The following IL27RA variants were observed in gnomAD, a reference collection of about 807,000 sequenced individuals.
The protein encoded by IL27RA is interleukin 27 receptor subunit alpha, also known as interleukin-27 receptor subunit alpha.
In IL27RA, 61 loss-of-function variants were observed where a neutral mutation model predicts 80.8. That is an observed-to-expected ratio of 0.76 (90% CI 0.61 to 0.93). The LOEUF is 0.93. Ranked by LOEUF, IL27RA falls within the 40% of genes least tolerant of loss-of-function variation. IL27RA has a pLI of 0.00. For missense variants in IL27RA, 735 were observed against 808.1 expected (o/e 0.91, Z 1.10); for synonymous variants, 316 against 332.5 (o/e 0.95, Z 0.54).
chr19:14,050,859 C>G lies in IL27RA; in HGVS notation c.1504C>G (p.Pro502Ala). 1 of 1,611,554 alleles carries G rather than the reference C, an allele frequency of 6.2e-7. No individual in the cohort carries two copies. The highest frequency in any genetic ancestry group is 1.1e-5 in the South Asian group (1 of 90,908). ...CATCGCTGGACAGGGCCCTCCTGGT[C>G]CCATCCTCCGGCTTCATCTACCAGG... ...STIAGQGPPG[P>A]ILRLHLPDNT... Residue 502 changes from proline (P) to alanine (A), a missense_variant, in exon 11 of 14, where the codon CCC becomes GCC. Coordinates refer to ENST00000263379, the MANE Select transcript of IL27RA (RefSeq NM_004843.4).
chr19:14,042,737 C>T lies in IL27RA; in HGVS notation c.716C>T (p.Ser239Leu), dbSNP rs1348754243. The change falls in exon 6 of 14, where the codon TCA becomes TTA. Residue 239 changes from serine to leucine, a missense_variant. Coordinates refer to ENST00000263379, the MANE Select transcript of IL27RA (RefSeq NM_004843.4). ...CCAGCTCCAAAAGATGTGTGGGTATCAGGGAACCTCTGTGGGACGCCTGGA... is the reference window on the plus strand; with the variant it reads ...CCAGCTCCAAAAGATGTGTGGGTATTAGGGAACCTCTGTGGGACGCCTGGA... ...PPSAPKDVWV[S>L]GNLCGTPGGE... 2 of 1,614,038 alleles carry T rather than the reference C, an allele frequency of 1.2e-6. No homozygotes were observed. Among genetic ancestry groups the T allele is most frequent in the Non-Finnish European group, 1.7e-6 (2 of 1,180,036 alleles).
rs138447582 is a variant in IL27RA at position 14,042,537 on chromosome 19, C to T, written c.619C>T (p.Arg207Cys). 1.5e-5 allele frequency: 24 copies of T among 1,614,044 alleles called. No individual in the cohort carries two copies. The highest frequency in any genetic ancestry group is 4.0e-5 in the African/African-American group (3 of 74,912). Residue 207 changes from arginine to cysteine, a missense_variant, in exon 5 of 14, where the codon CGC (arginine) becomes TGC (cysteine). Coordinates refer to ENST00000263379, the MANE Select transcript of IL27RA (RefSeq NM_004843.4). ...AGCCACTGGCTACAAAGTGTATGGC[C>T]GCTGCCGGATGGAGAAAGAAGAGGA... Reference protein sequence around the residue: ...ELATGYKVYGRCRMEKEEDLW... With the variant: ...ELATGYKVYGCCRMEKEEDLW...
At chr19:14,045,038 T>C (rs1253496726) in intron 6 of IL27RA, among the ~76,000 whole-genome samples, 1 of 149,160 alleles carries the variant, frequency 6.7e-6, no homozygotes, top group Non-Finnish European at 1.5e-5. Flanking sequence ...GGCAGGAGAA[T>C]CTCCTGAACC....
In IL27RA at chr19:14,031,902, G is replaced by A. The variant is rs1432010226; in HGVS notation, c.30G>A (p.Trp10Ter). MRGGRGAPF[W>*]LWPLPKLALL... ...GGGGAGGCAGGGGCGCCCCTTTCTG[G>A]CTGTGGCCGCTGCCCAAGCTGGCGC... Residue 10 changes from tryptophan (W) to a stop codon, truncating the protein, a stop_gained, in exon 1 of 14, where the codon TGG (tryptophan) becomes TGA (stop). Coordinates refer to ENST00000263379, the MANE Select transcript of IL27RA (RefSeq NM_004843.4). LOFTEE classifies it high-confidence loss of function. The A allele has an allele frequency of 1.2e-6, 2 of 1,605,046 alleles. No homozygotes were observed. Among genetic ancestry groups the A allele is most frequent in the Non-Finnish European group, 1.7e-6 (2 of 1,176,674 alleles).
At chr19:14,046,028 AAAACAAAC>A (rs149367806) in intron 6 of IL27RA, 118 bp from the exon 7 acceptor site, 34 of 929,162 alleles carry the variant, frequency 3.7e-5, no homozygotes, top group Admixed American at 1.9e-4. Context: ...TCCGTCTCAA[AAAACAAAC>A]AAACAAACAA....
chr19:14,034,272 G>A lies in IL27RA; in HGVS notation c.218+1769G>A, dbSNP rs531879992. Among the ~76,000 whole-genome samples, 14 of 152,240 alleles carry A rather than the reference G, an allele frequency of 9.2e-5. No homozygotes were observed. The South Asian group carries it at 2.5e-3, about 27-fold the overall frequency. ...CCTGGAAACTCATAATTTCAAATTG[G>A]GCTAAGTGAGGGAAGAGGAAAAGAG... On this transcript the variant is annotated intron_variant, in intron 2 of 13. Transcript: ENST00000263379.
At position 14,039,502 on chromosome 19, in the gene IL27RA, T is replaced by C; in HGVS notation, c.219-6T>C. 2.5e-6 allele frequency: 4 copies of C among 1,610,242 alleles called. No individual in the cohort carries two copies. Among genetic ancestry groups the C allele is most frequent in the Non-Finnish European group, 3.4e-6 (4 of 1,177,708 alleles). ...GTGCATCTCATCCCCGCCTCTCTCC[T>C]CACAGCCGTTCCAACAAAACCCAGA... is the stretch of plus-strand genomic sequence containing the variant. On this transcript the variant is annotated splice_polypyrimidine_tract_variant and splice_region_variant and intron_variant, in intron 2 of 13. Coordinates refer to ENST00000263379, the MANE Select transcript of IL27RA (RefSeq NM_004843.4).
In IL27RA at chr19:14,047,798, C is replaced by T. The variant is rs187105228; in HGVS notation, c.1141+1180C>T. Among the ~76,000 whole-genome samples the T allele has an allele frequency of 1.4e-3, 215 of 150,472 alleles. 1 individual carries two copies. Among genetic ancestry groups the T allele is most frequent in the African/African-American group, 4.9e-3 (201 of 40,846 alleles). ...CCTCCCGAGCAACTGGGAGTACAGG[C>T]GCCCGCCACCACGCCCGGCTAATTT... On this transcript the variant is annotated intron_variant, in intron 8 of 13. Transcript: ENST00000263379.
chr19:14,051,688 C>T lies in IL27RA; in HGVS notation c.1610C>T (p.Ala537Val). ...LFLLGCGLSL[A>V]TSGRCYHLRH... The stretch of plus-strand genomic sequence containing the variant: ...CTGTTGGGGTGTGGCCTGAGCCTGG[C>T]CACCTCTGGAAGGTGAGGCTGTCGG... The change falls in exon 12 of 14, where the codon GCC becomes GTC. Residue 537 changes from alanine (A) to valine (V), a missense_variant. Transcript: ENST00000263379. 3 of 1,607,304 alleles carry T rather than the reference C, an allele frequency of 1.9e-6. No individual in the cohort carries two copies. Among genetic ancestry groups the T allele is most frequent in the Middle Eastern group, 1.7e-4 (1 of 6,032 alleles).
At chr19:14,046,359 C>T in intron 7 of IL27RA, 22 bp downstream of exon 7, 1 of 1,613,358 alleles carries the variant, frequency 6.2e-7, no homozygotes, top group Non-Finnish European at 8.5e-7. Context: ...TGACCTTCCT[C>T]AGCTCGGTGC....
At chr19:14,032,325 T>C in intron 1 of IL27RA, 61 bp from the exon 2 acceptor site, 1 of 1,258,074 alleles carries the variant, frequency 7.9e-7, no homozygotes, top group East Asian at 2.3e-5. Flanking sequence ...AGTTCTGGGG[T>C]GTGCAGGCGG....
At chr19:14,042,644 G>C (rs1376104088) in intron 5 of IL27RA, 32 bp downstream of exon 5, 1 of 1,613,750 alleles carries the variant, frequency 6.2e-7, no homozygotes, top group African/African-American at 1.3e-5. Flanking sequence ...CTCAATCCAC[G>C]CCCCTCCCAC....
rs141018916 is a variant in IL27RA at position 14,043,604 on chromosome 19, T to C, written c.768+815T>C. ...CACGCCCGGCTAATTTTTGTATTTT[T>C]AGTAGAGATGGGGGTTTCACCATCT... On this transcript the variant is annotated intron_variant, in intron 6 of 13. Coordinates refer to ENST00000263379, the MANE Select transcript of IL27RA (RefSeq NM_004843.4). 8.3e-3 allele frequency among the ~76,000 whole-genome samples: 1,255 copies of C among 151,400 alleles called. 23 individuals carry two copies. Among genetic ancestry groups the C allele is most frequent in the African/African-American group, 0.029 (1,207 of 41,224 alleles).
intron 8 of IL27RA, 92 bp downstream of exon 8, chr19:14,046,710 G>A (rs116771778): frequency 4.7e-5 from 59 of 1,254,082 alleles, no homozygotes; most frequent in Middle Eastern, 2.8e-4. Flanking sequence ...TTAAAGTAGC[G>A]TGATGGCCGG....
At chr19:14,032,824 AAAG>A (rs1345571687) in intron 2 of IL27RA, among the ~76,000 whole-genome samples, 2 of 114,372 alleles carry the variant, frequency 1.7e-5, no homozygotes, top group African/African-American at 5.6e-5. Flanking sequence ...AAAAAAAAAA[AAAG>A]AAAAGAAAAG....
chr19:14,035,829 A>G lies in IL27RA; in HGVS notation c.218+3326A>G, dbSNP rs138582702. ...GAGGTCTTGCTCTGTCACCCAGGCT[A>G]GAGTGCAGCGGTGCGATCATAGCTC... On this transcript the variant is annotated intron_variant, in intron 2 of 13. Coordinates refer to ENST00000263379, the MANE Select transcript of IL27RA (RefSeq NM_004843.4). Among the ~76,000 whole-genome samples the G allele has an allele frequency of 8.2e-3, 1,246 of 152,030 alleles. 17 individuals are homozygous for G. The highest frequency in any genetic ancestry group is 0.029 in the African/African-American group (1,197 of 41,476).
chr19:14,033,199 C>A (rs943817820), intron 2 of IL27RA, among the ~76,000 whole-genome samples: 3 of 148,380 alleles, frequency 2.0e-5, no homozygotes, highest in Non-Finnish European at 4.4e-5. Flanking sequence ...TGGGTTCAAG[C>A]GATTCTCCTG....
chr19:14,037,469 G>C (rs1435463224), intron 2 of IL27RA, among the ~76,000 whole-genome samples: 1 of 151,622 alleles, frequency 6.6e-6, no homozygotes, highest in Non-Finnish European at 1.5e-5. Flanking sequence ...TGTCCAGGCT[G>C]GTCTCCAACT....
intron 2 of IL27RA, among the ~76,000 whole-genome samples, chr19:14,036,874 C>T (rs934127936): frequency 4.0e-5 from 6 of 150,930 alleles, no homozygotes; most frequent in African/African-American, 2.4e-5. Flanking sequence ...CTCGCTCTGT[C>T]GCTCAGGCTG....
Sources: allele counts gnomAD v4.1 joint callset (sites outside exome capture counted in the v4.1 genomes callset), GRCh38; gene constraint gnomAD v4.1.1; transcripts MANE v1.5; gene names NCBI Gene and HGNC (gene_info 2026-07-23, HGNC 2026-07-21).